NLGN1: variants seen among roughly 807,000 people sequenced by gnomAD.
NLGN1 encodes neuroligin 1.
NLGN1 carries 12 observed loss-of-function variants against 65.5 expected under a neutral mutation model. That is an observed-to-expected ratio of 0.18 (90% confidence interval 0.12 to 0.30). The LOEUF (loss-of-function observed/expected upper bound fraction) is 0.30. Ranked by LOEUF, NLGN1 falls within the 10% of genes least tolerant of loss-of-function variation. The pLI, the probability that NLGN1 is intolerant of heterozygous loss-of-function variation, is 1.00. For synonymous variants in NLGN1, 350 were observed against 359.5 expected, an observed-to-expected ratio of 0.97 and a Z score of 0.30; for missense variants, 750 against 1,007.1, an observed-to-expected ratio of 0.74 and a Z score of 3.46.
chr3:173,650,681 T>G (rs1332523858), intron 3 of NLGN1, among the ~76,000 whole-genome samples: 1 of 152,194 alleles, frequency 6.6e-6, no homozygotes, highest in East Asian at 1.9e-4. Flanking sequence ...GAAATAAGTA[T>G]TCAGTTGTCT....
At chr3:174,014,844 C>T (rs981555652) in intron 4 of NLGN1, among the ~76,000 whole-genome samples, 6 of 152,102 alleles carry the variant, frequency 3.9e-5, no homozygotes, top group Non-Finnish European at 5.9e-5. Context: ...TCATGTAAAG[C>T]ACTTGGCTCA....
intron 4 of NLGN1, among the ~76,000 whole-genome samples, chr3:173,944,124 GGTGT>G (rs1553897255): frequency 3.2e-3 from 451 of 139,526 alleles, no homozygotes; most frequent in African/African-American, 5.3e-3. Context: ...TAATATTATG[GGTGT>G]GTGTGTGTGT....
At chr3:173,429,116 C>T (rs187858455) in intron 1 of NLGN1, among the ~76,000 whole-genome samples, 20 of 152,162 alleles carry the variant, frequency 1.3e-4, no homozygotes, top group East Asian at 5.8e-4. Context: ...TCCCTCCTGG[C>T]GGTCGACGGC....
At chr3:173,942,881 C>G (rs1390123699) in intron 4 of NLGN1, among the ~76,000 whole-genome samples, 3 of 152,106 alleles carry the variant, frequency 2.0e-5, no homozygotes, top group African/African-American at 4.8e-5. Flanking sequence ...TTTATTTACT[C>G]TTTATTCTCT....
In NLGN1 at chr3:173,473,433, G is replaced by T. The variant is rs564892575; in HGVS notation, c.-321+38355G>T. 2.6e-5 allele frequency among the ~76,000 whole-genome samples: 4 copies of T among 152,262 alleles called. No homozygotes were observed. In the South Asian group the frequency reaches 6.2e-4, roughly 24 times the overall value. ...CACTGTGGGAAATGAGCATTGAAAT[G>T]CTGACTTGCAGAAAAGATGTTTAGA... is the stretch of plus-strand genomic sequence containing the variant. On this transcript the variant is annotated intron_variant, in intron 2 of 6. Transcript: ENST00000457714.
In NLGN1 at chr3:174,280,341, C is replaced by A; in HGVS notation, c.1650-140C>A. 1.6e-6 allele frequency: 1 copy of A among 643,750 alleles called. No homozygotes were observed. The highest frequency in any genetic ancestry group is 2.6e-6 in the Non-Finnish European group (1 of 383,500). 39.9% of individuals were successfully genotyped at this position (643,750 alleles called of 1,614,324 possible). On this transcript the variant is annotated intron_variant, in intron 6 of 6. Transcript: ENST00000457714. This position sits in a 1 kb window ranked among gnomAD's most constrained non-coding sequence, Gnocchi z 4.9. ...TATGCCTGCTAGGAGATTTATATTT[C>A]TAAATTGACCCAAATTAATGTTAAA...
intron 4 of NLGN1, among the ~76,000 whole-genome samples, chr3:174,234,454 G>A (rs935462618): frequency 4.6e-5 from 7 of 152,096 alleles, no homozygotes; most frequent in East Asian, 3.9e-4. Flanking sequence ...CACTTGAGGC[G>A]TTCTTTCCTT....
intron 3 of NLGN1, among the ~76,000 whole-genome samples, chr3:173,698,715 A>G (rs1387455066): frequency 6.6e-6 from 1 of 152,240 alleles, no homozygotes. Flanking sequence ...GCTTTCCCAA[A>G]TGAATAAATG....
At chr3:174,229,019 T>C (rs571374294) in intron 4 of NLGN1, among the ~76,000 whole-genome samples, 2 of 152,130 alleles carry the variant, frequency 1.3e-5, no homozygotes, top group Non-Finnish European at 2.9e-5. Context: ...AGGTACAGAC[T>C]TAAGTCTCAA....
intron 4 of NLGN1, among the ~76,000 whole-genome samples, chr3:173,829,016 T>G (rs1181027612): frequency 6.6e-6 from 1 of 152,094 alleles, no homozygotes; most frequent in African/African-American, 2.4e-5. Flanking sequence ...GTCCCTTGGC[T>G]TTCTGTATTG....
At chr3:174,149,476 G>A (rs892481196) in intron 4 of NLGN1, among the ~76,000 whole-genome samples, 10 of 152,042 alleles carry the variant, frequency 6.6e-5, no homozygotes, top group African/African-American at 2.2e-4. Flanking sequence ...TCAGCATTCT[G>A]TACACTTAAT....
At chr3:174,042,448 AC>A (rs980831425) in intron 4 of NLGN1, among the ~76,000 whole-genome samples, 26 of 152,144 alleles carry the variant, frequency 1.7e-4, no homozygotes, top group Admixed American at 1.3e-3. Flanking sequence ...TGATTAGACT[AC>A]CCTTTGTTGA....
intron 3 of NLGN1, among the ~76,000 whole-genome samples, chr3:173,763,944 A>C (rs1464270665): frequency 6.6e-6 from 1 of 152,204 alleles, no homozygotes; most frequent in Non-Finnish European, 1.5e-5. Flanking sequence ...TTTTATATTC[A>C]AACATTTTCC....
chr3:173,618,980 C>T (rs1753573993), intron 3 of NLGN1, among the ~76,000 whole-genome samples: 1 of 152,106 alleles, frequency 6.6e-6, no homozygotes, highest in African/African-American at 2.4e-5. Context: ...TCCCTGAGCT[C>T]AGAATGGCCT....
chr3:174,094,439 CT>C lies in NLGN1; in HGVS notation c.647-180862del, dbSNP rs201306995. On this transcript the variant is annotated intron_variant, in intron 4 of 6. Coordinates refer to ENST00000457714, the Ensembl canonical transcript of NLGN1. Reference sequence around the variant, plus strand: ...ATGTGGCTCAACACAAATTCGTAAACTTTTTTTTTTTTTTGAGATGACATCT... The same window carrying C: ...ATGTGGCTCAACACAAATTCGTAAACTTTTTTTTTTTTTGAGATGACATCT... Among the ~76,000 whole-genome samples, 1,210 of 144,162 alleles carry C rather than the reference CT, an allele frequency of 8.4e-3. 19 individuals carry two copies. Among genetic ancestry groups the C allele is most frequent in the East Asian group, 0.038 (190 of 4,976 alleles). The allele number at this position is 144,162 out of a possible 152,430, so 94.6% of individuals were successfully genotyped here. A position where few individuals can be genotyped will look rare whatever the true frequency, so the allele number is the denominator to read the frequency against.
At chr3:173,659,739 C>T (rs565986877) in intron 3 of NLGN1, among the ~76,000 whole-genome samples, 176 of 151,464 alleles carry the variant, frequency 1.2e-3, no homozygotes, top group African/African-American at 4.1e-3. Flanking sequence ...ATTTATGATT[C>T]TCTGGGCTTC....
intron 4 of NLGN1, among the ~76,000 whole-genome samples, chr3:174,095,303 A>T (rs755988264): frequency 1.3e-4 from 20 of 152,008 alleles, no homozygotes; most frequent in Non-Finnish European, 1.9e-4. Context: ...AAGAAGAAAA[A>T]AAATCTGATT....
intron 3 of NLGN1, among the ~76,000 whole-genome samples, chr3:173,700,038 C>T (rs973420160): frequency 2.0e-5 from 3 of 152,198 alleles, no homozygotes; most frequent in African/African-American, 7.2e-5. Flanking sequence ...AAGGACAAAA[C>T]TCCACATAGT....
Position 174,210,999 on chromosome 3 carries a change from T to A in NLGN1, c.647-64316T>A, listed in dbSNP as rs185166160. Among the ~76,000 whole-genome samples the A allele has an allele frequency of 5.6e-3, 845 of 152,212 alleles. 7 individuals are homozygous for A. Among genetic ancestry groups the A allele is most frequent in the African/African-American group, 0.019 (797 of 41,536 alleles). On this transcript the variant is annotated intron_variant, in intron 4 of 6. Transcript: ENST00000457714. ...GGACCCTCGCGGTGAGTGTTACAGC[T>A]CTTAAGGTGGCGCGTCTGGAGTCTG...
Sources: gnomAD v4.1 joint callset for allele counts (sites outside exome capture counted in the v4.1 genomes callset) on GRCh38, gnomAD v4.1.1 for gene constraint, Gnocchi (gnomAD v3.1) non-coding constraint, MANE v1.5 for transcripts, NCBI Gene and HGNC (gene_info 2026-07-23, HGNC 2026-07-21) for gene names.